Variants in DOCK4 observed in about 807,000 individuals in gnomAD.
The protein encoded by DOCK4 is dedicator of cytokinesis protein 4.
A neutral mutation model predicts 268.1 loss-of-function variants in DOCK4; 97 were observed. That is an observed-to-expected ratio of 0.36 (90% CI 0.31 to 0.43). The LOEUF (loss-of-function observed/expected upper bound fraction) is 0.43. Among genes scored for constraint, DOCK4 ranks in the 20% least tolerant of loss-of-function variants. DOCK4 has a pLI of 1.00. For synonymous variants in DOCK4, 954 were observed against 887.2 expected, an observed-to-expected ratio of 1.08 and a Z score of -1.34; for missense variants, 2,145 against 2,455.7, an observed-to-expected ratio of 0.87 and a Z score of 2.67.
At chr7:112,057,462 G>A (rs984591467) in intron 1 of DOCK4, among the ~76,000 whole-genome samples, 2 of 151,690 alleles carry the variant, frequency 1.3e-5, no homozygotes, top group Non-Finnish European at 2.9e-5. Context: ...GAGGTAGGAG[G>A]ATCACCTGAG....
intron 42 of DOCK4, among the ~76,000 whole-genome samples, chr7:111,750,349 A>G (rs1796547433): frequency 6.6e-6 from 1 of 152,240 alleles, no homozygotes; most frequent in African/African-American, 2.4e-5. Flanking sequence ...AAGAGATGTT[A>G]TCTACAGAAT....
chr7:111,737,026 A>G, intron 49 of DOCK4, 37 bp from the exon 50 acceptor site: 1 of 1,558,970 alleles, frequency 6.4e-7, no homozygotes, highest in East Asian at 2.3e-5. Flanking sequence ...ATGATGTGAT[A>G]TACGGGCATG....
intron 14 of DOCK4, among the ~76,000 whole-genome samples, chr7:111,900,844 G>A (rs764909900): frequency 1.8e-4 from 27 of 152,156 alleles, no homozygotes; most frequent in Non-Finnish European, 3.2e-4. Context: ...ATAGTCAAAA[G>A]CCTGTTTTGT....
chr7:111,983,854 GCGCGCGCGCA>G (rs1460883535), intron 7 of DOCK4, among the ~76,000 whole-genome samples: 2 of 87,958 alleles, frequency 2.3e-5, no homozygotes, highest in Admixed American at 1.1e-4. Flanking sequence ...ACGCGCGCGC[GCGCGCGCGCA>G]CACACACACA....
rs140337414 is a variant in DOCK4, at chr7:112,065,596, G to A, written c.38-61465C>T. Among the ~76,000 whole-genome samples, 79 of 149,110 alleles carry A rather than the reference G, an allele frequency of 5.3e-4. 2 individuals are homozygous for A. In the East Asian group the frequency reaches 9.6e-3, roughly 18 times the overall value. On this transcript the variant is annotated intron_variant, in intron 1 of 52. Coordinates refer to ENST00000428084, the MANE Select transcript of DOCK4 (RefSeq NM_001363540.2). ...CTCAGCTGAGTACAGGAATTCCTGA[G>A]GGCACTTATTATTCTCAGGTTCCAG...
chr7:111,933,089 C>T (rs866945729), intron 12 of DOCK4, among the ~76,000 whole-genome samples: 8 of 135,170 alleles, frequency 5.9e-5, no homozygotes, highest in South Asian at 4.6e-4. Flanking sequence ...CATATATATA[C>T]GTATATACAC....
intron 32 of DOCK4, among the ~76,000 whole-genome samples, chr7:111,785,447 T>G (rs1352425128): frequency 6.6e-6 from 1 of 152,192 alleles, no homozygotes; most frequent in Non-Finnish European, 1.5e-5. Context: ...TAAAAATACA[T>G]GGAGACTTCT....
At chr7:111,891,233 C>A (rs1190727904) in intron 16 of DOCK4, among the ~76,000 whole-genome samples, 2 of 151,520 alleles carry the variant, frequency 1.3e-5, no homozygotes. Context: ...TGTCCACTAA[C>A]AAAAAATTTA....
chr7:111,936,531 C>T (rs972652865), intron 11 of DOCK4, among the ~76,000 whole-genome samples: 30 of 137,136 alleles, frequency 2.2e-4, no homozygotes, highest in East Asian at 1.0e-3. Context: ...GATGGATGGA[C>T]GGATGGATGG....
At chr7:111,941,818 C>T (rs1267809540) in intron 10 of DOCK4, among the ~76,000 whole-genome samples, 1 of 152,140 alleles carries the variant, frequency 6.6e-6, no homozygotes, top group African/African-American at 2.4e-5. Flanking sequence ...GAAGGAATGG[C>T]AAAATAAGGG....
chr7:111,974,861 A>T (rs1192510791), intron 8 of DOCK4, among the ~76,000 whole-genome samples: 4 of 152,232 alleles, frequency 2.6e-5, no homozygotes, highest in African/African-American at 9.6e-5. Flanking sequence ...AAAATTTGAA[A>T]ATGTTTATAA....
intron 23 of DOCK4, among the ~76,000 whole-genome samples, chr7:111,852,287 C>T (rs1037330930): frequency 6.6e-6 from 1 of 152,170 alleles, no homozygotes; most frequent in Middle Eastern, 3.4e-3. Context: ...TCTTTTGATG[C>T]CTGCCACTGG....
intron 50 of DOCK4, 143 bp downstream of exon 50, chr7:111,736,774 C>G: frequency 2.6e-6 from 2 of 755,928 alleles, no homozygotes; most frequent in South Asian, 1.6e-5. Context: ...AACTGTCTTT[C>G]ATTAATCCCT....
intron 1 of DOCK4, among the ~76,000 whole-genome samples, chr7:112,056,570 C>G (rs1805840058): frequency 1.3e-5 from 2 of 152,188 alleles, no homozygotes; most frequent in South Asian, 4.1e-4. Flanking sequence ...AGTGTTCACA[C>G]TCAGTTCTTC....
At chr7:112,007,518 G>C (rs534692664) in intron 1 of DOCK4, among the ~76,000 whole-genome samples, 1 of 152,126 alleles carries the variant, frequency 6.6e-6, no homozygotes, top group Admixed American at 6.5e-5. Context: ...TTCTAAAATG[G>C]CAAGTCACTC....
intron 1 of DOCK4, among the ~76,000 whole-genome samples, chr7:112,080,907 C>T (rs1459082021): frequency 6.6e-6 from 1 of 152,176 alleles, no homozygotes; most frequent in Non-Finnish European, 1.5e-5. Context: ...TGTCACTAAA[C>T]ACTTGTGTAG....
At chr7:112,017,004 A>G (rs147515878) in intron 1 of DOCK4, among the ~76,000 whole-genome samples, 3 of 152,340 alleles carry the variant, frequency 2.0e-5, no homozygotes, top group African/African-American at 4.8e-5. Flanking sequence ...ATTAACTGTA[A>G]TCATCTTCAG....
chr7:111,938,159 T>A (rs1794891331), intron 11 of DOCK4, among the ~76,000 whole-genome samples: 2 of 152,218 alleles, frequency 1.3e-5, no homozygotes, highest in African/African-American at 4.8e-5. Flanking sequence ...AAGTTTAACA[T>A]CAACATCACA....
In DOCK4 at chr7:111,910,203, G is replaced by A. The variant is rs148732493; in HGVS notation, c.1192+5576C>T. Among the ~76,000 whole-genome samples the A allele has an allele frequency of 3.8e-4, 58 of 152,290 alleles. No homozygotes were observed. In the East Asian group the frequency reaches 5.8e-3, roughly 15 times the overall value. Reference sequence around the variant, plus strand: ...TGGAAAGAATCACAGAGTAAAAAATGGACATTTGGGGAGCAGGGAAGACAG... The same window carrying A: ...TGGAAAGAATCACAGAGTAAAAAATAGACATTTGGGGAGCAGGGAAGACAG... On this transcript the variant is annotated intron_variant, in intron 13 of 52. Coordinates refer to ENST00000428084, the MANE Select transcript of DOCK4 (RefSeq NM_001363540.2).
Sources: allele counts gnomAD v4.1 joint callset (sites outside exome capture counted in the v4.1 genomes callset), GRCh38; gene constraint gnomAD v4.1.1; transcripts MANE v1.5; gene names NCBI Gene and HGNC (gene_info 2026-07-23, HGNC 2026-07-21).